The following NBEAL2 variants were observed in gnomAD, a reference collection of about 807,000 sequenced individuals.
NBEAL2 encodes the protein neurobeachin-like protein 2.
NBEAL2 carries 160 observed loss-of-function variants against 299.8 expected under a neutral mutation model. The observed-to-expected ratio is 0.53, with a 90% CI of 0.47 to 0.61. The LOEUF is 0.61. Among genes scored for constraint, NBEAL2 ranks in the 20% least tolerant of loss-of-function variants. NBEAL2 has a pLI of 0.00. For synonymous variants in NBEAL2, 1,493 were observed against 1,542.3 expected (o/e 0.97, Z 0.75); for missense variants, 3,112 against 3,649.0 (o/e 0.85, Z 3.79).
Position 47,000,166 on chromosome 3 carries a change from T to C in NBEAL2, c.4067T>C (p.Phe1356Ser). The change falls in exon 27 of 54, where the codon TTT becomes TCT. Residue 1356 changes from phenylalanine to serine, a missense_variant. Around this residue, in one of 3 missense-constraint regions of NBEAL2, gnomAD observed 2,243 missense variants for 2,538.1 expected, o/e 0.88. Transcript: ENST00000450053. This position sits in a 1 kb window ranked among gnomAD's most constrained non-coding sequence, Gnocchi z 4.5. ...GCTCTCTCCCCATTCTGCACGCCCT[T>C]TGACCTGGGCCTGGAACGGTCTAGT... ...YHALSPFCTP[F>S]DLGLERSSVG... 1.9e-6 allele frequency: 3 copies of C among 1,613,804 alleles called. No individual in the cohort carries two copies. The highest frequency in any genetic ancestry group is 2.5e-6 in the Non-Finnish European group (3 of 1,179,872).
chr3:47,002,374 C>G lies in NBEAL2; in HGVS notation c.5155C>G (p.Gln1719Glu), dbSNP rs771587481. The G allele has an allele frequency of 9.9e-6, 16 of 1,613,492 alleles. No homozygotes were observed. The highest frequency in any genetic ancestry group is 1.3e-5 in the African/African-American group (1 of 74,948). ...TCTCCTCTGCCCAATCCTCCAGGTA[C>G]AGCCAACCATGTCCCAGTTCGAAAT... ...EWRHFIDKQV[Q>E]PTMSQFEMDT... Residue 1719 changes from glutamine to glutamate, a missense_variant, in exon 32 of 54, where the codon CAG (glutamine) becomes GAG (glutamate). Transcript: ENST00000450053.
rs1344750380 is a variant in NBEAL2 at position 47,000,054 on chromosome 3, A to C, written c.3955A>C (p.Lys1319Gln). 1 of 1,607,526 alleles carries C rather than the reference A, an allele frequency of 6.2e-7. No homozygotes were observed. Among genetic ancestry groups the C allele is most frequent in the African/African-American group, 1.4e-5 (1 of 72,576 alleles). ...SPTSPKPAPP[K>Q]PPTESPAEPS... ...TACCTCCCCCAAGCCAGCCCCACCCAAGCCACCCACTGAGTCACCTGCTGA... is the reference window on the plus strand; with the variant it reads ...TACCTCCCCCAAGCCAGCCCCACCCCAGCCACCCACTGAGTCACCTGCTGA... Residue 1319 changes from lysine to glutamine, a missense_variant, in exon 27 of 54, where the codon AAG (lysine) becomes CAG (glutamine). Transcript: ENST00000450053. The surrounding 1 kb of genome is among the most constrained non-coding windows in gnomAD (Gnocchi z 4.5).
rs747316949 is a variant in NBEAL2 at position 47,007,835 on chromosome 3, A to G, written c.7527A>G (p.Ala2509=). Residue 2509 remains alanine (A), a synonymous_variant, in exon 49 of 54, where the codon GCA becomes GCG. Coordinates refer to ENST00000450053, the MANE Select transcript of NBEAL2 (RefSeq NM_015175.3). ...SCHLDVVTCL[A]LDTCGIYLIS... ...ATGCAGATGTAGTAACCTGCCTTGC[A>G]CTGGACACCTGTGGCATCTACCTCA... is the stretch of plus-strand genomic sequence containing the variant. 43 of 1,613,520 alleles carry G rather than the reference A, an allele frequency of 2.7e-5. No homozygotes were observed. Among genetic ancestry groups the G allele is most frequent in the Non-Finnish European group, 3.6e-5 (43 of 1,179,762 alleles).
chr3:46,994,335 A>C lies in NBEAL2; in HGVS notation c.1198-120A>C, dbSNP rs978136490. ...CCACTGCCCACCAGCACTGTCACCC[A>C]GAGGCAGAGCTACGCAAGGGAACCC... On this transcript the variant is annotated intron_variant, in intron 11 of 53. Coordinates refer to ENST00000450053, the MANE Select transcript of NBEAL2 (RefSeq NM_015175.3). 5.5e-6 allele frequency: 5 copies of C among 901,334 alleles called. No homozygotes were observed. In the Admixed American group the frequency reaches 1.0e-4, roughly 18 times the overall value. The allele number at this position is 901,334 out of a possible 1,614,324, so 55.8% of individuals were successfully genotyped here. A position where few individuals can be genotyped will look rare whatever the true frequency, so the allele number is the denominator to read the frequency against.
In NBEAL2 at chr3:46,992,499, C is replaced by G; in HGVS notation, c.1057C>G (p.Pro353Ala). 1.5e-5 allele frequency: 24 copies of G among 1,606,390 alleles called. No individual in the cohort carries two copies. Among genetic ancestry groups the G allele is most frequent in the Non-Finnish European group, 2.0e-5 (24 of 1,177,004 alleles). ...GCTGTACCTGCAGTCCCGGGCGCCCCCCGAGGGGGACAGTGACCTGGCTAC... is the reference window on the plus strand; with the variant it reads ...GCTGTACCTGCAGTCCCGGGCGCCCGCCGAGGGGGACAGTGACCTGGCTAC... ...SKLYLQSRAP[P>A]EGDSDLATRL... The change falls in exon 10 of 54, where the codon CCC (proline) becomes GCC (alanine). Residue 353 changes from proline (P) to alanine (A), a missense_variant. Around this residue, in one of 3 missense-constraint regions of NBEAL2, gnomAD observed 2,243 missense variants for 2,538.1 expected, o/e 0.88. Coordinates refer to ENST00000450053, the MANE Select transcript of NBEAL2 (RefSeq NM_015175.3).
At chr3:46,984,567 G>A (rs2035569443) in intron 1 of NBEAL2, among the ~76,000 whole-genome samples, 1 of 152,200 alleles carries the variant, frequency 6.6e-6, no homozygotes, top group Admixed American at 6.5e-5. Context: ...CAGAAGTCAC[G>A]TTTAGCTTGA....
chr3:46,980,180 T>C (rs1258955065), intron 1 of NBEAL2, among the ~76,000 whole-genome samples: 1 of 152,060 alleles, frequency 6.6e-6, no homozygotes, highest in African/African-American at 2.4e-5. Flanking sequence ...GCAGCCTGAG[T>C]CTTTCTTGCT....
intron 49 of NBEAL2, 33 bp from the exon 50 acceptor site, chr3:47,008,037 G>A: frequency 6.2e-7 from 1 of 1,607,844 alleles, no homozygotes; most frequent in Non-Finnish European, 8.5e-7. Flanking sequence ...GAGCCTCAGG[G>A]GACAGTCCTA....
Position 47,000,258 on chromosome 3 carries a change from G to C in NBEAL2, c.4159G>C (p.Gly1387Arg). 6.2e-7 allele frequency: 1 copy of C among 1,613,112 alleles called. No individual in the cohort carries two copies. The highest frequency in any genetic ancestry group is 2.2e-5 in the East Asian group (1 of 44,892). The change falls in exon 27 of 54, where the codon GGC (glycine) becomes CGC (arginine). Residue 1387 changes from glycine (G) to arginine (R), a missense_variant. This residue lies in a region of NBEAL2 where 2,243 missense variants were observed against 2,538.1 expected (regional missense o/e 0.88). Transcript: ENST00000450053. The surrounding 1 kb of genome is among the most constrained non-coding windows in gnomAD (Gnocchi z 4.5). Reference protein sequence around the residue: ...SGTLTPASQPGTPSPLDGPRP... With the variant: ...SGTLTPASQPRTPSPLDGPRP... The stretch of plus-strand genomic sequence containing the variant: ...GACTCTTACTCCAGCCAGCCAGCCC[G>C]GCACTCCTTCGCCACTGGATGGGCC...
chr3:47,005,991 A>G lies in NBEAL2; in HGVS notation c.6847A>G (p.Ile2283Val), dbSNP rs780965359. 1 of 1,613,504 alleles carries G rather than the reference A, an allele frequency of 6.2e-7. No homozygotes were observed. The highest frequency in any genetic ancestry group is 8.5e-7 in the Non-Finnish European group (1 of 1,179,702). The change falls in exon 43 of 54, where the codon ATC becomes GTC. Residue 2283 changes from isoleucine to valine, a missense_variant. This residue lies in a region of NBEAL2 where 521 missense variants were observed against 729.6 expected (regional missense o/e 0.71). Coordinates refer to ENST00000450053, the MANE Select transcript of NBEAL2 (RefSeq NM_015175.3). ...SAHLHEWIDLIFGYKQRGPAA... is the reference protein window; with the variant it reads ...SAHLHEWIDLVFGYKQRGPAA... ...ACACCTACACGAGTGGATCGACCTCATCTTTGGCTACAAGCAGCGGGGGCC... is the reference window on the plus strand; with the variant it reads ...ACACCTACACGAGTGGATCGACCTCGTCTTTGGCTACAAGCAGCGGGGGCC...
chr3:46,984,775 C>T (rs1320200452), intron 1 of NBEAL2, among the ~76,000 whole-genome samples: 1 of 152,120 alleles, frequency 6.6e-6, no homozygotes, highest in African/African-American at 2.4e-5. Flanking sequence ...GCTCCTAGCT[C>T]TTCCCTGGGG....
rs1160133347 is a variant in NBEAL2, at chr3:47,009,516, G to T, written c.*196G>T. ...GCGGAAGTCCCGCCCCTCGCCGGCT[G>T]AGGGGCCGCCCTGAGGGCCAGCACT... On this transcript the variant is annotated 3_prime_UTR_variant, in exon 54 of 54. Transcript: ENST00000450053. 2 of 611,208 alleles carry T rather than the reference G, an allele frequency of 3.3e-6. No homozygotes were observed. Among genetic ancestry groups the T allele is most frequent in the Admixed American group, 2.9e-5 (1 of 34,082 alleles). The allele number at this position is 611,208 out of a possible 1,614,324, so 37.9% of individuals were successfully genotyped here.
rs1028410833 is a variant in NBEAL2 at position 46,989,437 on chromosome 3, C to T, written c.473+56C>T. 57 of 1,563,868 alleles carry T rather than the reference C, an allele frequency of 3.6e-5. No homozygotes were observed. The highest frequency in any genetic ancestry group is 4.5e-5 in the Non-Finnish European group (52 of 1,154,368). On this transcript the variant is annotated intron_variant, in intron 5 of 53. Transcript: ENST00000450053. The surrounding 1 kb of genome is among the most constrained non-coding windows in gnomAD (Gnocchi z 5.5). ...GAGGAGGGTGGGGAGAGGATGGCCG[C>T]GCTGGGCCCAAGGAGGGGTGACGGC...
intron 21 of NBEAL2, 114 bp downstream of exon 21, chr3:46,998,340 T>G (rs1381867195): frequency 6.6e-7 from 1 of 1,515,582 alleles, no homozygotes; most frequent in Admixed American, 2.0e-5. Context: ...CAGAATGCCA[T>G]GGGGCGGCTG....
At chr3:46,980,301 C>T (rs2035231334) in intron 1 of NBEAL2, among the ~76,000 whole-genome samples, 1 of 152,118 alleles carries the variant, frequency 6.6e-6, no homozygotes, top group African/African-American at 2.4e-5. Flanking sequence ...GGGAGGGGGA[C>T]TCAATTTGTC....
At chr3:46,997,793 T>A (rs1417472851) in intron 20 of NBEAL2, 99 bp downstream of exon 20, 3 of 1,401,070 alleles carry the variant, frequency 2.1e-6, no homozygotes, top group Non-Finnish European at 2.8e-6. Flanking sequence ...AAGAACCTCC[T>A]GGGAGAGTTG....
In NBEAL2 at chr3:46,988,912, C is replaced by G; in HGVS notation, c.211C>G (p.His71Asp). ...DELHVLAEQLHQADLEQALLL... is the reference protein window; with the variant it reads ...DELHVLAEQLDQADLEQALLL... ...GCTGCATGTGCTGGCCGAACAGCTG[C>G]ACCAGGCTGACCTGGAGCAAGCCCT... Residue 71 changes from histidine (H) to aspartate (D), a missense_variant, in exon 3 of 54, where the codon CAC (histidine) becomes GAC (aspartate). By Grantham distance (81) the His-to-Asp change is moderately conservative (BLOSUM62 -1). Around this residue, in one of 3 missense-constraint regions of NBEAL2, gnomAD observed 2,243 missense variants for 2,538.1 expected, o/e 0.88. Transcript: ENST00000450053. The surrounding 1 kb of genome is among the most constrained non-coding windows in gnomAD (Gnocchi z 4.4). The G allele has an allele frequency of 6.2e-7, 1 of 1,613,096 alleles. No individual in the cohort carries two copies. Among genetic ancestry groups the G allele is most frequent in the East Asian group, 2.2e-5 (1 of 44,850 alleles).
At chr3:46,980,751 G>A (rs185039166) in intron 1 of NBEAL2, among the ~76,000 whole-genome samples, 18 of 152,246 alleles carry the variant, frequency 1.2e-4, no homozygotes, top group Middle Eastern at 3.4e-3. Context: ...CACTCACACC[G>A]TCTCACACAC....
At chr3:47,008,497 C>T in intron 51 of NBEAL2, 23 bp from the exon 52 acceptor site, 3 of 1,610,818 alleles carry the variant, frequency 1.9e-6, no homozygotes, top group Non-Finnish European at 1.7e-6. Context: ...CCTGTCCTTG[C>T]TGACACTCCC....
Sources: allele counts gnomAD v4.1 joint callset (sites outside exome capture counted in the v4.1 genomes callset), GRCh38; gene constraint gnomAD v4.1.1; regional missense constraint gnomAD v4.1.1; non-coding constraint Gnocchi (gnomAD v3.1); transcripts MANE v1.5; gene names NCBI Gene and HGNC (gene_info 2026-07-23, HGNC 2026-07-21).